SLX4IP: variants seen among roughly 807,000 people sequenced by gnomAD.
SLX4IP encodes the protein SLX4 interacting protein.
In SLX4IP, 34 loss-of-function variants were observed where a neutral mutation model predicts 32.9. The observed-to-expected ratio is 1.03, with a 90% CI of 0.79 to 1.38. The LOEUF is 1.38. SLX4IP is among the 40% of genes most tolerant of loss of function. The pLI is 0.00. For synonymous variants in SLX4IP, 172 were observed against 171.7 expected, an observed-to-expected ratio of 1.00 and a Z score of -0.01; for missense variants, 444 against 479.0, an observed-to-expected ratio of 0.93 and a Z score of 0.68.
chr20:10,480,151 G>T (rs1024664579), intron 2 of SLX4IP, among the ~76,000 whole-genome samples: 1 of 152,214 alleles, frequency 6.6e-6, no homozygotes, highest in Non-Finnish European at 1.5e-5. Flanking sequence ...CCCAGCATTT[G>T]GGGGGCTGAG....
At chr20:10,484,343 G>A (rs1474021336) in intron 2 of SLX4IP, among the ~76,000 whole-genome samples, 1 of 152,156 alleles carries the variant, frequency 6.6e-6, no homozygotes, top group African/African-American at 2.4e-5. Flanking sequence ...AGGAATTAGT[G>A]TATAGTGTCA....
chr20:10,588,763 T>C (rs188697201), intron 4 of SLX4IP, among the ~76,000 whole-genome samples: 1 of 152,012 alleles, frequency 6.6e-6, no homozygotes, highest in Non-Finnish European at 1.5e-5. Flanking sequence ...AGGGACAGAG[T>C]CTGGCTAGGG....
chr20:10,622,856 T>G lies in SLX4IP; in HGVS notation c.704T>G (p.Leu235Arg). The change falls in exon 8 of 8, where the codon CTT (leucine) becomes CGT (arginine). Residue 235 changes from leucine (L) to arginine (R), a missense_variant. Transcript: ENST00000334534. ...SIKAAESHWGLPVQKLEKVNQ... is the reference protein window; with the variant it reads ...SIKAAESHWGRPVQKLEKVNQ... ...AAGGCAGCTGAGAGCCACTGGGGGC[T>G]TCCTGTTCAAAAGCTGGAAAAAGTT... The G allele has an allele frequency of 1.2e-6, 2 of 1,614,002 alleles. No homozygotes were observed. Among genetic ancestry groups the G allele is most frequent in the Non-Finnish European group, 1.7e-6 (2 of 1,179,996 alleles).
At chr20:10,620,912 A>C (rs922506299) in intron 6 of SLX4IP, among the ~76,000 whole-genome samples, 1 of 152,160 alleles carries the variant, frequency 6.6e-6, no homozygotes, top group Admixed American at 6.6e-5. Context: ...TAGGATGATA[A>C]GGGTGTAGAC....
At chr20:10,551,267 C>T (rs182655690) in intron 2 of SLX4IP, among the ~76,000 whole-genome samples, 30 of 152,296 alleles carry the variant, frequency 2.0e-4, no homozygotes, top group African/African-American at 7.2e-4. Flanking sequence ...TTCTTGTATT[C>T]CCATTTCACG....
At chr20:10,578,093 C>T (rs2066541988) in intron 4 of SLX4IP, among the ~76,000 whole-genome samples, 1 of 152,152 alleles carries the variant, frequency 6.6e-6, no homozygotes, top group African/African-American at 2.4e-5. Flanking sequence ...AGATATAATT[C>T]ATATACAATT....
intron 2 of SLX4IP, among the ~76,000 whole-genome samples, chr20:10,462,783 G>A (rs370156912): frequency 2.0e-5 from 3 of 152,218 alleles, no homozygotes; most frequent in Admixed American, 6.5e-5. Flanking sequence ...CCTAGAAAGT[G>A]TAAGGGTGGA....
chr20:10,511,254 G>C (rs2065805938), intron 2 of SLX4IP, among the ~76,000 whole-genome samples: 1 of 152,182 alleles, frequency 6.6e-6, no homozygotes, highest in African/African-American at 2.4e-5. Context: ...CTGATGGTGT[G>C]CGTTCCCAAA....
At chr20:10,598,600 G>A in intron 4 of SLX4IP, 75 bp from the exon 5 acceptor site, 2 of 1,297,972 alleles carry the variant, frequency 1.5e-6, no homozygotes, top group South Asian at 1.2e-5. Context: ...GTCTTTTATG[G>A]CAGGCACTGG....
intron 1 of SLX4IP, among the ~76,000 whole-genome samples, chr20:10,443,886 T>A (rs1369412804): frequency 6.6e-6 from 1 of 152,188 alleles, no homozygotes; most frequent in African/African-American, 2.4e-5. Context: ...TCCAGTCATG[T>A]AGGATGTGCC....
intron 2 of SLX4IP, among the ~76,000 whole-genome samples, chr20:10,538,734 C>G (rs868048528): frequency 1.3e-5 from 2 of 152,126 alleles, no homozygotes; most frequent in Admixed American, 6.6e-5. Context: ...ATCATGTTGG[C>G]CAGGCTGGTC....
chr20:10,476,768 G>T (rs911525), intron 2 of SLX4IP, among the ~76,000 whole-genome samples: 52,267 of 152,002 alleles, frequency 0.34, 9,164 homozygotes, highest in South Asian at 0.5. Context: ...AGATGTGTGT[G>T]TGTGTAGATA....
At chr20:10,530,180 G>A (rs866689035) in intron 2 of SLX4IP, among the ~76,000 whole-genome samples, 6 of 152,180 alleles carry the variant, frequency 3.9e-5, no homozygotes, top group East Asian at 1.9e-4. Context: ...AGAGTAAGGC[G>A]GTGCAGTCTC....
intron 2 of SLX4IP, among the ~76,000 whole-genome samples, chr20:10,476,156 G>GTA (rs745792758): frequency 2.0e-3 from 301 of 150,818 alleles, no homozygotes; most frequent in Non-Finnish European, 2.1e-3. Flanking sequence ...GTGTGTGTGT[G>GTA]TATATATATA....
At chr20:10,566,413 A>T (rs1003785735) in intron 4 of SLX4IP, among the ~76,000 whole-genome samples, 1 of 149,948 alleles carries the variant, frequency 6.7e-6, no homozygotes, top group Non-Finnish European at 1.5e-5. Context: ...AAACAGTCAC[A>T]TGGTACTTTG....
intron 4 of SLX4IP, among the ~76,000 whole-genome samples, chr20:10,587,650 G>T (rs1241227755): frequency 6.6e-6 from 1 of 152,002 alleles, no homozygotes; most frequent in Non-Finnish European, 1.5e-5. Context: ...GTAAAAATGG[G>T]CCCTAGACCA....
intron 4 of SLX4IP, among the ~76,000 whole-genome samples, chr20:10,577,976 C>G (rs2066540426): frequency 6.6e-6 from 1 of 152,192 alleles, no homozygotes; most frequent in Admixed American, 6.5e-5. Flanking sequence ...AGGAAAGCCT[C>G]ATTCTTCCTA....
intron 1 of SLX4IP, among the ~76,000 whole-genome samples, chr20:10,445,615 G>A (rs1057175505): frequency 4.8e-5 from 7 of 145,306 alleles, no homozygotes; most frequent in African/African-American, 1.5e-4. Context: ...ATGCCCAGCC[G>A]ATGAGATTGC....
At chr20:10,619,223 T>C (rs902204187) in intron 6 of SLX4IP, among the ~76,000 whole-genome samples, 1 of 150,176 alleles carries the variant, frequency 6.7e-6, no homozygotes, top group Non-Finnish European at 1.5e-5. Context: ...TTTTCTTTTT[T>C]TTTTTTTTTT....
Sources: gnomAD v4.1 joint callset for allele counts (sites outside exome capture counted in the v4.1 genomes callset) on GRCh38, gnomAD v4.1.1 for gene constraint, MANE v1.5 for transcripts, NCBI Gene and HGNC (gene_info 2026-07-23, HGNC 2026-07-21) for gene names.